The following PKM variants were observed in gnomAD, a reference collection of about 807,000 sequenced individuals.
PKM encodes the protein pyruvate kinase PKM.
PKM carries 18 observed loss-of-function variants against 49.8 expected under a neutral mutation model. That is an observed-to-expected ratio of 0.36 (90% confidence interval 0.25 to 0.54). PKM has a LOEUF of 0.54. Ranked by LOEUF, PKM falls within the 20% of genes least tolerant of loss-of-function variation. The pLI is 0.89. For synonymous variants in PKM, 239 were observed against 261.8 expected (o/e 0.91, Z 0.84); for missense variants, 508 against 713.8 (o/e 0.71, Z 3.28).
intron 3 of PKM, among the ~76,000 whole-genome samples, chr15:72,214,184 T>G (rs2082322084): frequency 6.6e-6 from 1 of 152,208 alleles, no homozygotes; most frequent in Admixed American, 6.5e-5. Context: ...ACTAAAAAAT[T>G]TTATCAGAGA....
chr15:72,199,440 A>C lies in PKM; in HGVS notation c.*210T>G, dbSNP rs1490587284. On this transcript the variant is annotated 3_prime_UTR_variant, in exon 11 of 11. Coordinates refer to ENST00000335181, the MANE Select transcript of PKM (RefSeq NM_002654.6). The stretch of plus-strand genomic sequence containing the variant: ...CTTCTTCCCTTGATTGGGTGGGGCC[A>C]CATGATGGGCAGCCAGGCTCTGGGC... 1.2e-5 allele frequency: 8 copies of C among 695,222 alleles called. No homozygotes were observed. In the East Asian group the frequency reaches 2.2e-4, roughly 19 times the overall value. The allele number at this position is 695,222 out of a possible 1,614,324, so 43.1% of individuals were successfully genotyped here.
chr15:72,218,843 T>C (rs139265419), intron 2 of PKM, 101 bp downstream of exon 2: 2 of 1,199,822 alleles, frequency 1.7e-6, no homozygotes, highest in South Asian at 1.3e-5. Context: ...TAGTATCCCA[T>C]GTAGCACCTA....
At chr15:72,204,650 A>G (rs1042314181) in intron 8 of PKM, 14 of 152,250 alleles carry the variant, frequency 9.2e-5, no homozygotes, top group African/African-American at 3.4e-4. Context: ...ACAGAGACTT[A>G]TCAGACACTT....
rs188235349 is a variant in PKM at position 72,227,245 on chromosome 15, A to T, written c.-14+3871T>A. On this transcript the variant is annotated intron_variant, in intron 1 of 10. Transcript: ENST00000335181. The stretch of plus-strand genomic sequence containing the variant: ...ATCCTTAAGACCTCATACCAAATAA[A>T]CCAATCTCACGAAGACCCTTGAAGA... 3.3e-5 allele frequency among the ~76,000 whole-genome samples: 5 copies of T among 152,342 alleles called. No individual in the cohort carries two copies. The East Asian group carries it at 9.6e-4, about 29-fold the overall frequency.
chr15:72,207,052 C>G, intron 7 of PKM, 75 bp downstream of exon 7: 1 of 1,570,314 alleles, frequency 6.4e-7, no homozygotes, highest in African/African-American at 1.4e-5. Context: ...GGGAAGAGAT[C>G]AGACAGCCTC....
chr15:72,211,267 C>T (rs890421766), intron 3 of PKM, among the ~76,000 whole-genome samples: 4 of 152,222 alleles, frequency 2.6e-5, no homozygotes, highest in Admixed American at 2.6e-4. Context: ...CGGGGTTTCA[C>T]CATGTTAGCC....
chr15:72,221,092 C>T, intron 1 of PKM: 1 of 813,898 alleles, frequency 1.2e-6, no homozygotes, highest in Non-Finnish European at 2.0e-6. Context: ...AAACCATCAG[C>T]TGGCTCTTCT....
rs1329900660 is a variant in PKM at position 72,202,488 on chromosome 15, T to C, written c.1273A>G (p.Ser425Gly). 1 of 1,613,538 alleles carries C rather than the reference T, an allele frequency of 6.2e-7. No homozygotes were observed. Among genetic ancestry groups the C allele is most frequent in the Non-Finnish European group, 8.5e-7 (1 of 1,179,908 alleles). Residue 425 changes from serine to glycine, a missense_variant, in exon 9 of 11, where the codon AGT (serine) becomes GGT (glycine). Ser to Gly is a moderately conservative substitution (Grantham distance 56). Coordinates refer to ENST00000335181, the MANE Select transcript of PKM (RefSeq NM_002654.6). This position sits in a 1 kb window ranked among gnomAD's most constrained non-coding sequence, Gnocchi z 4.5. ...GAVEASFKCC[S>G]GAIIVLTKSG... Reference sequence around the variant, plus strand: ...TTGGTGAGGACGATTATGGCCCCACTGCAGCACTTGAAGGAGGCCTCCACG... The same window carrying C: ...TTGGTGAGGACGATTATGGCCCCACCGCAGCACTTGAAGGAGGCCTCCACG...
Position 72,200,711 on chromosome 15 carries a change from A to ACC in PKM, c.1308-58_1308-57dup. 1 of 1,483,454 alleles carries ACC rather than the reference A, an allele frequency of 6.7e-7. No individual in the cohort carries two copies. Among genetic ancestry groups the ACC allele is most frequent in the African/African-American group, 1.4e-5 (1 of 72,480 alleles). The allele number at this position is 1,483,454 out of a possible 1,614,324, so 91.9% of individuals were successfully genotyped here. ...ACCATTACACGAGGCCCCAGGAAGT[A>ACC]CCCTCAGGGCGTTCAAACAGCTCAC... is the stretch of plus-strand genomic sequence containing the variant. On this transcript the variant is annotated intron_variant, in intron 9 of 10. Coordinates refer to ENST00000335181, the MANE Select transcript of PKM (RefSeq NM_002654.6). This position sits in a 1 kb window ranked among gnomAD's most constrained non-coding sequence, Gnocchi z 4.6.
intron 1 of PKM, among the ~76,000 whole-genome samples, chr15:72,225,759 C>G (rs181623758): frequency 9.2e-5 from 14 of 152,322 alleles, no homozygotes; most frequent in African/African-American, 3.1e-4. Context: ...GACTGTCTTA[C>G]TGGTGGCCAC....
At chr15:72,206,269 G>A (rs1361791129) in intron 8 of PKM, 3 of 185,216 alleles carry the variant, frequency 1.6e-5, no homozygotes, top group South Asian at 2.1e-4. Context: ...TGCAGGATGC[G>A]GGGCAGAGGG....
At chr15:72,215,815 A>ACCT (rs2082365093) in intron 3 of PKM, among the ~76,000 whole-genome samples, 1 of 151,656 alleles carries the variant, frequency 6.6e-6, no homozygotes, top group East Asian at 1.9e-4. Flanking sequence ...CAGCGAACAG[A>ACCT]CCTCCAGCAT....
At chr15:72,229,500 C>T (rs1041867194) in intron 1 of PKM, 51 of 1,171,894 alleles carry the variant, frequency 4.4e-5, no homozygotes, top group Non-Finnish European at 5.6e-5. Context: ...AAGGTCCAAG[C>T]CCTGGGTCTG....
intron 1 of PKM, among the ~76,000 whole-genome samples, chr15:72,227,058 A>C (rs1469848394): frequency 6.6e-6 from 1 of 152,222 alleles, no homozygotes; most frequent in African/African-American, 2.4e-5. Flanking sequence ...TTCTTTAACA[A>C]AGTCCCAAGT....
intron 1 of PKM, among the ~76,000 whole-genome samples, chr15:72,219,816 T>C (rs1234803524): frequency 6.6e-6 from 1 of 152,236 alleles, no homozygotes; most frequent in African/African-American, 2.4e-5. Flanking sequence ...AACAGGATAG[T>C]TGCAAACATA....
At position 72,202,841 on chromosome 15, in the gene PKM, T is replaced by C. The variant is rs996679002; in HGVS notation, c.1141-221A>G. On this transcript the variant is annotated intron_variant, in intron 8 of 10. Coordinates refer to ENST00000335181, the MANE Select transcript of PKM (RefSeq NM_002654.6). The surrounding 1 kb of genome is among the most constrained non-coding windows in gnomAD (Gnocchi z 4.5). The stretch of plus-strand genomic sequence containing the variant: ...TTCACCAAGTGCCTGTGACATCTAC[T>C]GTGCCTACTGAGCCACAGGACCCTT... 5.5e-6 allele frequency: 4 copies of C among 727,630 alleles called. No individual in the cohort carries two copies. Among genetic ancestry groups the C allele is most frequent in the African/African-American group, 5.2e-5 (3 of 57,390 alleles). 45.1% of individuals were successfully genotyped at this position (727,630 alleles called of 1,614,324 possible).
intron 2 of PKM, among the ~76,000 whole-genome samples, chr15:72,218,482 T>G (rs966174895): frequency 3.3e-5 from 5 of 151,986 alleles, no homozygotes; most frequent in Non-Finnish European, 5.9e-5. Flanking sequence ...AGTGCAGTGG[T>G]GTGATCATGG....
chr15:72,224,868 A>G (rs868270483), intron 1 of PKM, among the ~76,000 whole-genome samples: 6 of 148,010 alleles, frequency 4.1e-5, no homozygotes, highest in Admixed American at 6.7e-5. Flanking sequence ...AAAAAAAGGA[A>G]AAAAAAAAAA....
chr15:72,222,313 A>T (rs1028602780), intron 1 of PKM: 1 of 152,256 alleles, frequency 6.6e-6, no homozygotes, highest in East Asian at 1.9e-4. Flanking sequence ...CAGAGACCTC[A>T]TATCTCATGC....
Sources: gnomAD v4.1 joint callset for allele counts (sites outside exome capture counted in the v4.1 genomes callset) on GRCh38, gnomAD v4.1.1 for gene constraint, Gnocchi (gnomAD v3.1) non-coding constraint, MANE v1.5 for transcripts, NCBI Gene and HGNC (gene_info 2026-07-23, HGNC 2026-07-21) for gene names.